Variants in CSMD2 observed in about 807,000 individuals in gnomAD.
CSMD2 encodes CUB and Sushi multiple domains 2.
A neutral mutation model predicts 398.5 loss-of-function variants in CSMD2; 130 were observed. The ratio of observed to expected loss-of-function variants is 0.33; its 90% confidence interval spans 0.28 to 0.38. The LOEUF (loss-of-function observed/expected upper bound fraction) is 0.38, where lower values mean the gene tolerates loss of function less well. CSMD2 is among the 10% of genes least tolerant of loss of function. The pLI is 1.00. For missense variants in CSMD2, 3,829 were observed against 4,764.9 expected (o/e 0.80, Z 5.78); for synonymous variants, 1,828 against 1,908.5 (o/e 0.96, Z 1.10).
chr1:34,120,710 A>G (rs1385836975), intron 1 of CSMD2, among the ~76,000 whole-genome samples: 1 of 152,042 alleles, frequency 6.6e-6, no homozygotes, highest in African/African-American at 2.4e-5. Flanking sequence ...ATGCCCGGCT[A>G]ATTTTTGTAT....
At chr1:34,135,865 T>C (rs908585555) in intron 1 of CSMD2, among the ~76,000 whole-genome samples, 2 of 152,178 alleles carry the variant, frequency 1.3e-5, no homozygotes, top group African/African-American at 2.4e-5. Context: ...TGAAAATTTC[T>C]GAAGTAATTC....
intron 5 of CSMD2, chr1:33,861,104 A>G (rs1337122414): frequency 6.6e-6 from 1 of 152,240 alleles, no homozygotes; most frequent in Non-Finnish European, 1.5e-5. Context: ...GAGGTACATA[A>G]AGTGCTTAGA....
intron 22 of CSMD2, 91 bp downstream of exon 22, chr1:33,708,998 G>C: frequency 8.3e-7 from 1 of 1,200,706 alleles, no homozygotes; most frequent in Non-Finnish European, 1.2e-6. Context: ...GAAGGAGAAA[G>C]TTTGGATCAT....
At chr1:33,892,970 C>T (rs552995667) in intron 5 of CSMD2, among the ~76,000 whole-genome samples, 1 of 152,212 alleles carries the variant, frequency 6.6e-6, no homozygotes, top group African/African-American at 2.4e-5. Context: ...CAAGAGCAAA[C>T]AGGTCTGGTG....
At position 34,049,075 on chromosome 1, in the gene CSMD2, G is replaced by C. The variant is rs564562145; in HGVS notation, c.405-16369C>G. Reference sequence around the variant, plus strand: ...CAGGGTTTTTGCTCAGGCTGGGACTGCAGGGTAGGCTGAGCCCACAGCTGT... The same window carrying C: ...CAGGGTTTTTGCTCAGGCTGGGACTCCAGGGTAGGCTGAGCCCACAGCTGT... On this transcript the variant is annotated intron_variant, in intron 2 of 70. Coordinates refer to ENST00000373381, the MANE Select transcript of CSMD2 (RefSeq NM_001281956.2). 7.9e-5 allele frequency among the ~76,000 whole-genome samples: 12 copies of C among 152,330 alleles called. No homozygotes were observed. The South Asian group carries it at 2.5e-3, about 32-fold the overall frequency.
At chr1:33,951,913 T>C (rs540757429) in intron 3 of CSMD2, among the ~76,000 whole-genome samples, 9 of 152,330 alleles carry the variant, frequency 5.9e-5, no homozygotes, top group Non-Finnish European at 1.3e-4. Flanking sequence ...GCCCCACCTC[T>C]GAAGTACTCT....
intron 41 of CSMD2, among the ~76,000 whole-genome samples, chr1:33,610,507 G>T (rs1319075460): frequency 6.6e-6 from 1 of 152,162 alleles, no homozygotes; most frequent in East Asian, 1.9e-4. Context: ...GAATGAGTGG[G>T]GCCGGTCACG....
intron 15 of CSMD2, among the ~76,000 whole-genome samples, chr1:33,736,946 G>A (rs1005089617): frequency 6.6e-6 from 1 of 152,230 alleles, no homozygotes; most frequent in African/African-American, 2.4e-5. Context: ...AAAGAAATTA[G>A]AAGTGGTCAA....
intron 44 of CSMD2, among the ~76,000 whole-genome samples, chr1:33,587,611 G>T (rs1017826773): frequency 3.9e-5 from 6 of 152,198 alleles, no homozygotes; most frequent in Non-Finnish European, 8.8e-5. Flanking sequence ...TTGAATGCAG[G>T]TCTGGCTGTT....
intron 44 of CSMD2, among the ~76,000 whole-genome samples, chr1:33,593,522 C>T (rs1184152771): frequency 6.6e-6 from 1 of 152,146 alleles, no homozygotes; most frequent in Admixed American, 6.5e-5. Flanking sequence ...TGCAGGGAAA[C>T]TCCCATTTTT....
chr1:33,539,950 C>A (rs546098915), intron 60 of CSMD2, among the ~76,000 whole-genome samples: 1 of 152,250 alleles, frequency 6.6e-6, no homozygotes, highest in Admixed American at 6.5e-5. Context: ...TAGAAAAATA[C>A]GTCCTACTGT....
intron 49 of CSMD2, among the ~76,000 whole-genome samples, chr1:33,575,249 G>GC (rs200143115): frequency 0.036 from 5,511 of 152,238 alleles, 378 homozygotes; most frequent in African/African-American, 0.13. Context: ...GCATTAGGAG[G>GC]CATAGAGTCT....
intron 1 of CSMD2, among the ~76,000 whole-genome samples, chr1:34,099,986 T>C (rs1659790115): frequency 6.6e-6 from 1 of 152,206 alleles, no homozygotes; most frequent in Non-Finnish European, 1.5e-5. Flanking sequence ...CAATAACTTC[T>C]ACATTGTAGA....
chr1:34,025,156 A>C (rs977787992), intron 3 of CSMD2, among the ~76,000 whole-genome samples: 1 of 152,208 alleles, frequency 6.6e-6, no homozygotes, highest in African/African-American at 2.4e-5. Context: ...CCATCTGTCC[A>C]TCCCTCACAG....
intron 1 of CSMD2, among the ~76,000 whole-genome samples, chr1:34,109,350 G>T (rs917420934): frequency 6.6e-6 from 1 of 152,200 alleles, no homozygotes; most frequent in Non-Finnish European, 1.5e-5. Flanking sequence ...GCTCAAATCA[G>T]CTCCCTCTGC....
At chr1:33,639,013 G>T (rs1642962594) in intron 29 of CSMD2, among the ~76,000 whole-genome samples, 3 of 152,194 alleles carry the variant, frequency 2.0e-5, no homozygotes, top group Admixed American at 2.0e-4. Flanking sequence ...ATCTTCAGTG[G>T]ATTATTGTGG....
intron 3 of CSMD2, among the ~76,000 whole-genome samples, chr1:33,943,227 T>A (rs764910365): frequency 1.8e-4 from 27 of 152,260 alleles, no homozygotes; most frequent in Non-Finnish European, 3.1e-4. Context: ...TCTGTTGCCA[T>A]CAGTACGAAT....
chr1:33,938,872 C>T (rs1644573658), intron 3 of CSMD2, among the ~76,000 whole-genome samples: 1 of 150,882 alleles, frequency 6.6e-6, no homozygotes, highest in African/African-American at 2.4e-5. Flanking sequence ...TTGGCATTTC[C>T]CATAATCCCA....
Position 33,571,555 on chromosome 1 carries a change from C to G in CSMD2, c.7934G>C (p.Gly2645Ala). Residue 2645 changes from glycine to alanine, a missense_variant, in exon 51 of 71, where the codon GGG (glycine) becomes GCG (alanine). Physicochemically the swap from Gly to Ala is moderately conservative, Grantham distance 60. Coordinates refer to ENST00000373381, the MANE Select transcript of CSMD2 (RefSeq NM_001281956.2). ...ACTTCGGCAGGTGGGCGTAGAGTCC[C>G]CGAGGCTCCATTTGCCATTGGCCTG... ...RCQANGKWSL[G>A]DSTPTCRIIS... 6.6e-7 allele frequency: 1 copy of G among 1,519,536 alleles called. No individual in the cohort carries two copies. Among genetic ancestry groups the G allele is most frequent in the African/African-American group, 1.4e-5 (1 of 73,326 alleles). The allele number at this position is 1,519,536 out of a possible 1,614,324, so 94.1% of individuals were successfully genotyped here.
Sources: gnomAD v4.1 joint callset for allele counts (sites outside exome capture counted in the v4.1 genomes callset) on GRCh38, gnomAD v4.1.1 for gene constraint, MANE v1.5 for transcripts, NCBI Gene and HGNC (gene_info 2026-07-23, HGNC 2026-07-21) for gene names.